Variants in ANO6 observed in about 807,000 individuals in gnomAD.
ANO6 encodes the protein anoctamin-6.
ANO6 carries 106 observed loss-of-function variants against 117.5 expected under a neutral mutation model. The observed-to-expected ratio is 0.90, with a 90% CI of 0.77 to 1.06. The LOEUF is 1.06. ANO6 is among the 50% of genes least tolerant of loss of function. The pLI, the probability that ANO6 is intolerant of heterozygous loss-of-function variation, is 0.00. For missense variants in ANO6, 955 were observed against 1,121.1 expected (o/e 0.85, Z 2.12); for synonymous variants, 367 against 385.1 (o/e 0.95, Z 0.55).
intron 3 of ANO6, among the ~76,000 whole-genome samples, chr12:45,345,511 A>G (rs969144673): frequency 2.0e-5 from 3 of 152,148 alleles, no homozygotes; most frequent in African/African-American, 7.2e-5. Context: ...CTGTCTTGTT[A>G]ACTGCTGTGC....
chr12:45,298,480 A>G (rs1378851084), intron 1 of ANO6, among the ~76,000 whole-genome samples: 2 of 152,222 alleles, frequency 1.3e-5, no homozygotes, highest in Non-Finnish European at 2.9e-5. Context: ...ATAAATGAGA[A>G]TATCAAACAG....
chr12:45,380,584 T>A (rs992823491), intron 10 of ANO6, among the ~76,000 whole-genome samples: 33 of 152,202 alleles, frequency 2.2e-4, no homozygotes, highest in African/African-American at 7.7e-4. Flanking sequence ...GCCCAGTTTC[T>A]GACTTAAGTG....
chr12:45,239,909 C>A (rs1443632824), intron 1 of ANO6, among the ~76,000 whole-genome samples: 2 of 152,102 alleles, frequency 1.3e-5, no homozygotes, highest in Non-Finnish European at 2.9e-5. Flanking sequence ...GATTTCTGTT[C>A]TTCTACATTT....
At chr12:45,302,880 G>T (rs559218132) in intron 2 of ANO6, among the ~76,000 whole-genome samples, 1 of 152,166 alleles carries the variant, frequency 6.6e-6, no homozygotes, top group South Asian at 2.1e-4. Flanking sequence ...TTTTGTCCCT[G>T]CTGCAAATGG....
chr12:45,429,024 T>A (rs1272795612), intron 19 of ANO6, 81 bp from the exon 20 acceptor site: 1 of 1,534,782 alleles, frequency 6.5e-7, no homozygotes, highest in East Asian at 2.3e-5. Context: ...TAAACTGCCA[T>A]AATGACAAGC....
chr12:45,383,817 T>TA (rs1942227463), intron 10 of ANO6, among the ~76,000 whole-genome samples: 2 of 152,344 alleles, frequency 1.3e-5, no homozygotes, highest in South Asian at 4.1e-4. Flanking sequence ...ACATAATTCT[T>TA]AAAGGCCCTA....
intron 1 of ANO6, among the ~76,000 whole-genome samples, chr12:45,266,547 C>T (rs1592894952): frequency 6.6e-6 from 1 of 152,074 alleles, no homozygotes; most frequent in African/African-American, 2.4e-5. Flanking sequence ...TAGTTATCAG[C>T]CTTTTGACTA....
At chr12:45,376,925 A>G (rs1942041665) in intron 9 of ANO6, among the ~76,000 whole-genome samples, 1 of 152,188 alleles carries the variant, frequency 6.6e-6, no homozygotes, top group African/African-American at 2.4e-5. Flanking sequence ...ATTTAGGATT[A>G]TGCTTGCTTT....
At chr12:45,360,520 A>G (rs536413685) in intron 8 of ANO6, among the ~76,000 whole-genome samples, 4 of 152,220 alleles carry the variant, frequency 2.6e-5, no homozygotes, top group Non-Finnish European at 5.9e-5. Flanking sequence ...CATTCAAACC[A>G]TAGCAGATAC....
chr12:45,272,014 A>T (rs529704095), intron 1 of ANO6, among the ~76,000 whole-genome samples: 24 of 152,326 alleles, frequency 1.6e-4, no homozygotes, highest in Non-Finnish European at 2.4e-4. Context: ...AAGTCACCAT[A>T]TATCATGGAA....
chr12:45,437,631 G>A (rs1345440603), intron 19 of ANO6, among the ~76,000 whole-genome samples: 3 of 152,022 alleles, frequency 2.0e-5, no homozygotes, highest in African/African-American at 4.8e-5. Flanking sequence ...GAGCAGCGGC[G>A]CAATCTCGGC....
intron 9 of ANO6, among the ~76,000 whole-genome samples, chr12:45,368,368 C>G (rs1593021951): frequency 6.6e-6 from 1 of 152,294 alleles, no homozygotes; most frequent in East Asian, 1.9e-4. Flanking sequence ...CTTCTGTTTT[C>G]CCCCTTTCAA....
At chr12:45,354,908 A>G (rs924141264) in intron 7 of ANO6, among the ~76,000 whole-genome samples, 3 of 152,234 alleles carry the variant, frequency 2.0e-5, no homozygotes, top group African/African-American at 7.2e-5. Flanking sequence ...AGATGAGGCA[A>G]GGAGTTGAAA....
intron 8 of ANO6, among the ~76,000 whole-genome samples, chr12:45,363,616 C>A (rs1279329946): frequency 6.6e-6 from 1 of 151,884 alleles, no homozygotes; most frequent in African/African-American, 2.4e-5. Flanking sequence ...GGTAGGGCAG[C>A]TGATATGATT....
chr12:45,358,093 A>G (rs1171918550), intron 8 of ANO6, among the ~76,000 whole-genome samples: 1 of 152,194 alleles, frequency 6.6e-6, no homozygotes, highest in Non-Finnish European at 1.5e-5. Flanking sequence ...GGTGGTCTCA[A>G]CTTCCAGCAG....
In ANO6 at chr12:45,269,669, G is replaced by A. The variant is rs1938330999; in HGVS notation, c.71-32345G>A. Among the ~76,000 whole-genome samples, 2 of 152,150 alleles carry A rather than the reference G, an allele frequency of 1.3e-5. 1 individual carries two copies. The highest frequency in any genetic ancestry group is 4.1e-4 in the South Asian group (2 of 4,832). On this transcript the variant is annotated intron_variant, in intron 1 of 19. Transcript: ENST00000320560. ...TCAATTTCTAACTAAGTATTGCAGA[G>A]AACACACCGTGGAGCCATTTTATAG... is the stretch of plus-strand genomic sequence containing the variant.
chr12:45,239,186 T>C (rs1442808758), intron 1 of ANO6, among the ~76,000 whole-genome samples: 1 of 152,224 alleles, frequency 6.6e-6, no homozygotes, highest in Admixed American at 6.5e-5. Flanking sequence ...TTTTTTTGGT[T>C]GGTAGCTATA....
intron 1 of ANO6, among the ~76,000 whole-genome samples, chr12:45,237,202 TTC>T (rs975764631): frequency 1.3e-5 from 2 of 152,254 alleles, no homozygotes; most frequent in African/African-American, 4.8e-5. Flanking sequence ...GGTAGTTTCT[TTC>T]ACTGTGCAGA....
chr12:45,374,578 T>G (rs1941948844), intron 9 of ANO6, among the ~76,000 whole-genome samples: 1 of 113,750 alleles, frequency 8.8e-6, no homozygotes, highest in Admixed American at 9.4e-5. Flanking sequence ...TAATCCAGCA[T>G]ATAAACAGAG....
Sources: gnomAD v4.1 joint callset for allele counts (sites outside exome capture counted in the v4.1 genomes callset) on GRCh38, gnomAD v4.1.1 for gene constraint, MANE v1.5 for transcripts, NCBI Gene and HGNC (gene_info 2026-07-23, HGNC 2026-07-21) for gene names.